Variants in GDAP1 observed in about 807,000 individuals in gnomAD.
GDAP1 encodes the protein ganglioside induced differentiation associated protein 1, also known as ganglioside-induced differentiation-associated protein 1.
Under a neutral mutation model 40.1 loss-of-function variants are expected in GDAP1, and 34 were observed. The ratio of observed to expected loss-of-function variants is 0.85; its 90% CI spans 0.64 to 1.13. The LOEUF (loss-of-function observed/expected upper bound fraction) is 1.13, where lower values mean the gene tolerates loss of function less well. GDAP1 is among the 50% of genes most tolerant of loss of function. The probability of loss-of-function intolerance (pLI) is 0.00; values close to 1 mark genes in which losing one functional copy is unlikely to be tolerated. For synonymous variants in GDAP1, 170 were observed against 157.4 expected, an observed-to-expected ratio of 1.08 and a Z score of -0.60; for missense variants, 374 against 433.7, an observed-to-expected ratio of 0.86 and a Z score of 1.22.
At chr8:74,370,151 C>A (rs1312768354), downstream of GDAP1, among the ~76,000 whole-genome samples, 2 of 151,906 alleles carry the variant, frequency 1.3e-5, no homozygotes, top group African/African-American at 4.8e-5. Context: ...AAAAGTAGTG[C>A]CAGGAATGGC....
chr8:74,379,847 A>C (rs773238062), intron 2 of GDAP1, among the ~76,000 whole-genome samples: 3 of 152,216 alleles, frequency 2.0e-5, no homozygotes, highest in Non-Finnish European at 4.4e-5. Flanking sequence ...ATAGGAGCAG[A>C]GACCTGCCTC....
chr8:74,456,628 G>T (rs1289040339), intron 2 of GDAP1, among the ~76,000 whole-genome samples: 1 of 151,878 alleles, frequency 6.6e-6, no homozygotes, highest in Admixed American at 6.6e-5. Flanking sequence ...ATATGGACAG[G>T]AGACAGAGTT....
At chr8:74,486,363 T>A (rs1256984684) in intron 2 of GDAP1, among the ~76,000 whole-genome samples, 1 of 152,232 alleles carries the variant, frequency 6.6e-6, no homozygotes, top group African/African-American at 2.4e-5. Context: ...TGCTGCACTT[T>A]GCACACTTAT....
Position 74,442,105 on chromosome 8 carries a change from G to A in GDAP1, c.166-46573G>A, listed in dbSNP as rs116925783. Among the ~76,000 whole-genome samples, 133 of 152,302 alleles carry A rather than the reference G, an allele frequency of 8.7e-4. 1 individual carries two copies. The East Asian group carries it at 0.025, about 28-fold the overall frequency. On this transcript the variant is annotated intron_variant, in intron 2 of 2. Coordinates refer to the GDAP1 transcript ENST00000523640. ...AAAACTGTTAAGCTAAGTTAAATGC[G>A]TGTTTTCATAATACTGTGTAGTCAC...
chr8:74,356,716 A>ATATT (rs375377157), intron 2 of GDAP1, among the ~76,000 whole-genome samples: 6,606 of 104,256 alleles, frequency 0.063, 373 homozygotes, highest in East Asian at 0.096. Context: ...ATATATATAT[A>ATATT]TTTTTTTTTT....
At chr8:74,398,602 A>G (rs1810254607) in intron 2 of GDAP1, among the ~76,000 whole-genome samples, 1 of 152,218 alleles carries the variant, frequency 6.6e-6, no homozygotes, top group South Asian at 2.1e-4. Flanking sequence ...AGGAGTGGTG[A>G]GAGAGGGCAT....
chr8:74,424,086 C>T (rs1040797653), intron 2 of GDAP1, among the ~76,000 whole-genome samples: 2 of 152,096 alleles, frequency 1.3e-5, no homozygotes, highest in Non-Finnish European at 2.9e-5. Context: ...TCTTTAGATG[C>T]TCAAGTCCTT....
chr8:74,386,222 T>C (rs1394429997), intron 2 of GDAP1, among the ~76,000 whole-genome samples: 1 of 148,120 alleles, frequency 6.8e-6, no homozygotes, highest in Non-Finnish European at 1.5e-5. Flanking sequence ...TTTTGGCTTT[T>C]GTTGCCATTG....
At chr8:74,390,321 A>G (rs1810088370) in intron 2 of GDAP1, among the ~76,000 whole-genome samples, 1 of 152,016 alleles carries the variant, frequency 6.6e-6, no homozygotes, top group Non-Finnish European at 1.5e-5. Context: ...TCATGGATTT[A>G]TTTACCTTTG....
Position 74,360,237 on chromosome 8 carries a change from A to C in GDAP1, c.411A>C (p.Thr137=), listed in dbSNP as rs1449087991. 2 of 1,613,554 alleles carry C rather than the reference A, an allele frequency of 1.2e-6. No homozygotes were observed. Among genetic ancestry groups the C allele is most frequent in the East Asian group, 4.5e-5 (2 of 44,876 alleles). The change falls in exon 3 of 6, where the codon ACA becomes ACC. Residue 137 remains threonine, a synonymous_variant. Transcript: ENST00000220822. ...LLDSLPMDAY[T]HGCILHPELT... is the part of the protein sequence containing the mutation. ...ACTCCTTGCCAATGGATGCCTATAC[A>C]CATGGCTGCATTTTACATCCTGAGT...
At chr8:74,409,336 A>T (rs939309964) in intron 2 of GDAP1, among the ~76,000 whole-genome samples, 1 of 149,536 alleles carries the variant, frequency 6.7e-6, no homozygotes, top group Non-Finnish European at 1.5e-5. Context: ...AGAAAGTTAC[A>T]TTTTTTCTTA....
At chr8:74,377,021 C>A (rs1410359778) in intron 2 of GDAP1, among the ~76,000 whole-genome samples, 1 of 152,000 alleles carries the variant, frequency 6.6e-6, no homozygotes, top group Non-Finnish European at 1.5e-5. Context: ...AAAACATATA[C>A]CTCAATATTA....
rs150630562 is a variant in GDAP1, at chr8:74,443,504, C to T, written c.166-45174C>T. ...TATAAAATCCAAACATAAGCCCAGGCGTGGTGGAGCACAGCTGTAATCGCA... is the reference window on the plus strand; with the variant it reads ...TATAAAATCCAAACATAAGCCCAGGTGTGGTGGAGCACAGCTGTAATCGCA... On this transcript the variant is annotated intron_variant, in intron 2 of 2. Transcript: ENST00000523640. Among the ~76,000 whole-genome samples, 22 of 152,184 alleles carry T rather than the reference C, an allele frequency of 1.4e-4. No individual in the cohort carries two copies. In the East Asian group the frequency reaches 3.9e-3, roughly 27 times the overall value.
At position 74,356,700 on chromosome 8, in the gene GDAP1, G is replaced by A. The variant is rs13281424; in HGVS notation, c.311-3437G>A. ...TGTGTGTGTGTGTGTGTTTGTGTGT[G>A]TGTATATATATATATATTTTTTTTT... On this transcript the variant is annotated intron_variant, in intron 2 of 5. Coordinates refer to ENST00000220822, the MANE Select transcript of GDAP1 (RefSeq NM_018972.4). Among the ~76,000 whole-genome samples, 100 of 66,440 alleles carry A rather than the reference G, an allele frequency of 1.5e-3. 1 individual carries two copies. Among genetic ancestry groups the A allele is most frequent in the African/African-American group, 5.6e-3 (96 of 17,132 alleles). 43.6% of individuals were successfully genotyped at this position (66,440 alleles called of 152,430 possible).
At chr8:74,462,841 T>A (rs117736144) in intron 2 of GDAP1, among the ~76,000 whole-genome samples, 480 of 151,878 alleles carry the variant, frequency 3.2e-3, no homozygotes, top group Middle Eastern at 6.8e-3. Flanking sequence ...ATCTAGTAGA[T>A]TAGAAAGCAT....
At position 74,365,875 on chromosome 8, in the gene GDAP1, G is replaced by A. The variant is rs1263714090; in HGVS notation, c.*1508G>A. 6.6e-6 allele frequency: 3 copies of A among 454,254 alleles called. No individual in the cohort carries two copies. The highest frequency in any genetic ancestry group is 4.0e-5 in the African/African-American group (2 of 49,974). The allele number at this position is 454,254 out of a possible 1,614,324, so 28.1% of individuals were successfully genotyped here. On this transcript the variant is annotated 3_prime_UTR_variant, in exon 6 of 6. Transcript: ENST00000220822. ...TATAACATTTAAAATTTGCACATGA[G>A]TGTGTTGTCATATGGAGTGTCTGAA... is the stretch of plus-strand genomic sequence containing the variant.
intron 2 of GDAP1, among the ~76,000 whole-genome samples, chr8:74,426,195 A>G (rs1027784977): frequency 1.3e-5 from 2 of 152,228 alleles, no homozygotes; most frequent in Admixed American, 1.3e-4. Context: ...AACATAGTGC[A>G]AATGGTTTCC....
rs141260294 is a variant in GDAP1 at position 74,480,968 on chromosome 8, A to T, written c.166-7710A>T. Among the ~76,000 whole-genome samples the T allele has an allele frequency of 1.5e-3, 231 of 152,314 alleles. 1 individual carries two copies. Among genetic ancestry groups the T allele is most frequent in the African/African-American group, 5.3e-3 (219 of 41,578 alleles). On this transcript the variant is annotated intron_variant, in intron 2 of 2. Transcript: ENST00000523640. ...GCAATAAAGCATTGTTGGGGGTCTT[A>T]GTTTGTTTTGGGAAAAAACTAGTAG...
In GDAP1 at chr8:74,365,345, A is replaced by G. The variant is rs545035338; in HGVS notation, c.*978A>G. On this transcript the variant is annotated 3_prime_UTR_variant, in exon 6 of 6. Coordinates refer to ENST00000220822, the MANE Select transcript of GDAP1 (RefSeq NM_018972.4). The stretch of plus-strand genomic sequence containing the variant: ...TAGCACTTGGCAGTTAATCTAGGGA[A>G]GATGAATTAAATGGGTAGATAGTGA... 1.3e-5 allele frequency: 6 copies of G among 454,064 alleles called. No individual in the cohort carries two copies. Among genetic ancestry groups the G allele is most frequent in the Admixed American group, 2.3e-5 (1 of 42,576 alleles). The allele number at this position is 454,064 out of a possible 1,614,324, so 28.1% of individuals were successfully genotyped here.
Sources: gnomAD v4.1 joint callset for allele counts (sites outside exome capture counted in the v4.1 genomes callset) on GRCh38, gnomAD v4.1.1 for gene constraint, MANE v1.5 for transcripts, NCBI Gene and HGNC (gene_info 2026-07-23, HGNC 2026-07-21) for gene names.